The following DLG2 variants were observed in gnomAD, a reference collection of about 807,000 sequenced individuals.
DLG2 encodes disks large homolog 2.
A neutral mutation model predicts 132.5 loss-of-function variants in DLG2; 45 were observed. The observed-to-expected ratio is 0.34, with a 90% CI of 0.27 to 0.44. The LOEUF is 0.44. Among genes scored for constraint, DLG2 ranks in the 20% least tolerant of loss-of-function variants. The pLI, the probability that DLG2 is intolerant of heterozygous loss-of-function variation, is 1.00. For synonymous variants in DLG2, 424 were observed against 419.6 expected (o/e 1.01, Z -0.13); for missense variants, 1,045 against 1,196.9 (o/e 0.87, Z 1.87).
At chr11:85,030,039 C>G (rs938377408) in intron 6 of DLG2, among the ~76,000 whole-genome samples, 3 of 152,206 alleles carry the variant, frequency 2.0e-5, no homozygotes, top group African/African-American at 7.2e-5. Flanking sequence ...CTTCTTCTGT[C>G]CATAAATCTT....
chr11:85,433,698 G>C (rs1453541870), intron 3 of DLG2, among the ~76,000 whole-genome samples: 1 of 152,186 alleles, frequency 6.6e-6, no homozygotes, highest in Non-Finnish European at 1.5e-5. Context: ...AAGAGACTTA[G>C]ACTCCCACAC....
intron 11 of DLG2, among the ~76,000 whole-genome samples, chr11:84,035,365 A>ATAC (rs2095835101): frequency 6.6e-6 from 1 of 152,216 alleles, no homozygotes; most frequent in African/African-American, 2.4e-5. Flanking sequence ...GTGTACACAA[A>ATAC]TACATATATT....
In DLG2 at chr11:84,044,872, A is replaced by T. The variant is rs117640041; in HGVS notation, c.919+14443T>A. Among the ~76,000 whole-genome samples, 802 of 151,818 alleles carry T rather than the reference A, an allele frequency of 5.3e-3. 3 individuals are homozygous for T. Among genetic ancestry groups the T allele is most frequent in the Non-Finnish European group, 6.5e-3 (442 of 67,800 alleles). On this transcript the variant is annotated intron_variant, in intron 11 of 27. Transcript: ENST00000376104. ...ATCACCCGTACAATCTCAGGAGGGA[A>T]ATGGGAGTCAGGTAGCATCTGAGCC...
rs556640722 is a variant in DLG2 at position 83,770,795 on chromosome 11, G to T, written c.1825+15895C>A. 5.3e-5 allele frequency among the ~76,000 whole-genome samples: 8 copies of T among 152,208 alleles called. No homozygotes were observed. The South Asian group carries it at 1.7e-3, about 32-fold the overall frequency. ...GTCAAAGATGGAAAATACAAATTGT[G>T]AGAAAAAATTACAATAATGTATCCT... On this transcript the variant is annotated intron_variant, in intron 18 of 27. Transcript: ENST00000376104.
At chr11:83,762,524 T>A (rs982519616) in intron 18 of DLG2, among the ~76,000 whole-genome samples, 3 of 152,148 alleles carry the variant, frequency 2.0e-5, no homozygotes, top group African/African-American at 7.2e-5. Context: ...AGTTTGGGAA[T>A]TGTAGTAATT....
intron 10 of DLG2, among the ~76,000 whole-genome samples, chr11:84,073,945 A>C (rs183514277): frequency 1.2e-4 from 18 of 152,346 alleles, no homozygotes; most frequent in African/African-American, 4.1e-4. Context: ...CATTGTATGT[A>C]ATTGCAGCAG....
chr11:84,721,913 G>T (rs2061884197), intron 6 of DLG2, among the ~76,000 whole-genome samples: 2 of 152,196 alleles, frequency 1.3e-5, no homozygotes, highest in Non-Finnish European at 2.9e-5. Context: ...CCCAGTACAT[G>T]GTAGCTGCTC....
At chr11:84,652,274 T>C (rs2154546760) in intron 6 of DLG2, among the ~76,000 whole-genome samples, 1 of 152,300 alleles carries the variant, frequency 6.6e-6, no homozygotes, top group South Asian at 2.1e-4. Context: ...TCTCGAGTTT[T>C]GTAATAGTCT....
chr11:85,295,265 C>G (rs1053144100), intron 3 of DLG2, among the ~76,000 whole-genome samples: 3 of 152,020 alleles, frequency 2.0e-5, no homozygotes, highest in African/African-American at 7.2e-5. Context: ...TGTATGAGCC[C>G]AGTTTTAAGT....
At chr11:85,561,794 A>C (rs1426611929) in intron 3 of DLG2, among the ~76,000 whole-genome samples, 1 of 151,876 alleles carries the variant, frequency 6.6e-6, no homozygotes, top group Non-Finnish European at 1.5e-5. Context: ...TTCTCTCTTA[A>C]ATAATTTAAT....
chr11:85,181,445 A>T (rs1228183298), intron 4 of DLG2, among the ~76,000 whole-genome samples: 1 of 151,638 alleles, frequency 6.6e-6, no homozygotes, highest in African/African-American at 2.4e-5. Context: ...TTTCCCTGTG[A>T]TCTCTTTCCT....
chr11:85,082,169 C>A (rs991017821), intron 6 of DLG2, among the ~76,000 whole-genome samples: 4 of 152,050 alleles, frequency 2.6e-5, no homozygotes, highest in African/African-American at 9.7e-5. Flanking sequence ...TGAGTTGATA[C>A]CTTTAGAGGG....
At chr11:85,410,412 A>T (rs1275046256) in intron 3 of DLG2, among the ~76,000 whole-genome samples, 1 of 151,772 alleles carries the variant, frequency 6.6e-6, no homozygotes, top group Non-Finnish European at 1.5e-5. Context: ...CTTTTGAGTA[A>T]AGTAGAAAAA....
chr11:83,940,098 A>C (rs1221808165), intron 14 of DLG2, among the ~76,000 whole-genome samples: 1 of 152,246 alleles, frequency 6.6e-6, no homozygotes, highest in Non-Finnish European at 1.5e-5. Flanking sequence ...GGGAAGGATA[A>C]GACATGCATA....
chr11:84,624,793 G>T (rs2099619438), intron 6 of DLG2, among the ~76,000 whole-genome samples: 1 of 147,230 alleles, frequency 6.8e-6, no homozygotes, highest in South Asian at 2.2e-4. Flanking sequence ...AGACTAGCAT[G>T]ATAAAATTAT....
chr11:85,242,009 A>C (rs912467194), intron 4 of DLG2, among the ~76,000 whole-genome samples: 11 of 151,944 alleles, frequency 7.2e-5, no homozygotes, highest in Non-Finnish European at 7.4e-5. Flanking sequence ...TATATAGTGA[A>C]TCTCCTTCTA....
rs576417844 is a variant in DLG2, at chr11:83,824,315, G to A, written c.1722+9299C>T. The stretch of plus-strand genomic sequence containing the variant: ...GCCCATGTGGTCCCTGGAACTTACC[G>A]TTAGCATTTCCATGTTATATTGGAA... On this transcript the variant is annotated intron_variant, in intron 17 of 27. Coordinates refer to ENST00000376104, the MANE Select transcript of DLG2 (RefSeq NM_001142699.3). Among the ~76,000 whole-genome samples, 13 of 152,192 alleles carry A rather than the reference G, an allele frequency of 8.5e-5. 1 individual carries two copies. The highest frequency in any genetic ancestry group is 1.9e-4 in the East Asian group (1 of 5,172).
At chr11:84,218,378 G>GAGGA (rs1555430193) in intron 8 of DLG2, among the ~76,000 whole-genome samples, 11 of 96,788 alleles carry the variant, frequency 1.1e-4, no homozygotes, top group African/African-American at 3.4e-4. Context: ...GGGAGAAAGG[G>GAGGA]AGGGAGGGAG....
chr11:84,403,903 C>T (rs2098839462), intron 7 of DLG2, among the ~76,000 whole-genome samples: 1 of 152,130 alleles, frequency 6.6e-6, no homozygotes, highest in Middle Eastern at 3.2e-3. Context: ...TTTTCAAAGC[C>T]AAGTCCAAAG....
Sources: allele counts gnomAD v4.1 joint callset (sites outside exome capture counted in the v4.1 genomes callset), GRCh38; gene constraint gnomAD v4.1.1; transcripts MANE v1.5; gene names NCBI Gene and HGNC (gene_info 2026-07-23, HGNC 2026-07-21).